ZNRF1: variants seen among roughly 807,000 people sequenced by gnomAD.
ZNRF1 encodes the protein zinc and ring finger 1.
A neutral mutation model predicts 18.4 loss-of-function variants in ZNRF1; 3 were observed. The ratio of observed to expected loss-of-function variants is 0.16; its 90% CI spans 0.07 to 0.42. The LOEUF is 0.42. Ranked by LOEUF, ZNRF1 falls within the 10% of genes least tolerant of loss-of-function variation. The pLI is 0.99. For missense variants in ZNRF1, 310 were observed against 329.8 expected (o/e 0.94, Z 0.47); for synonymous variants, 157 against 144.2 (o/e 1.09, Z -0.64).
intron 1 of ZNRF1, 61 bp downstream of exon 1, chr16:75,000,156 G>A: frequency 1.3e-6 from 2 of 1,557,094 alleles, no homozygotes; most frequent in Non-Finnish European, 1.7e-6. Flanking sequence ...CCAAGCCTTC[G>A]CGTGCGTGCC....
chr16:75,077,280 C>T (rs989400363), intron 1 of ZNRF1, among the ~76,000 whole-genome samples: 2 of 152,206 alleles, frequency 1.3e-5, no homozygotes, highest in African/African-American at 2.4e-5. Context: ...CGCCTGTAAT[C>T]CCATCACTTT....
chr16:75,069,894 G>A (rs956806198), intron 1 of ZNRF1, among the ~76,000 whole-genome samples: 3 of 152,062 alleles, frequency 2.0e-5, no homozygotes, highest in Admixed American at 6.6e-5. Flanking sequence ...CTTTCTAGCA[G>A]CCCATTCCCC....
chr16:75,085,686 G>A (rs1312856195), intron 1 of ZNRF1, among the ~76,000 whole-genome samples: 1 of 152,056 alleles, frequency 6.6e-6, no homozygotes, highest in Non-Finnish European at 1.5e-5. Flanking sequence ...CATCTTCACC[G>A]ACATTACCAA....
At chr16:75,024,064 T>G (rs967604458) in intron 1 of ZNRF1, among the ~76,000 whole-genome samples, 1 of 151,996 alleles carries the variant, frequency 6.6e-6, no homozygotes, top group African/African-American at 2.4e-5. Context: ...GAAACGGGGT[T>G]TCACCATGTT....
intron 1 of ZNRF1, among the ~76,000 whole-genome samples, chr16:75,016,679 G>A (rs2035075610): frequency 6.6e-6 from 1 of 150,650 alleles, no homozygotes; most frequent in Non-Finnish European, 1.5e-5. Flanking sequence ...GGGACTACAG[G>A]CGTCTGTCAC....
At chr16:75,013,781 T>C (rs1250704124) in intron 1 of ZNRF1, among the ~76,000 whole-genome samples, 2 of 152,192 alleles carry the variant, frequency 1.3e-5, no homozygotes, top group African/African-American at 2.4e-5. Flanking sequence ...ACTCTGAAAA[T>C]GGGAACTCTT....
At chr16:75,046,254 G>A (rs188055529) in intron 1 of ZNRF1, among the ~76,000 whole-genome samples, 1 of 150,942 alleles carries the variant, frequency 6.6e-6, no homozygotes, top group Admixed American at 6.6e-5. Context: ...GTTTCATTTT[G>A]TGTTTTGTTT....
intron 1 of ZNRF1, chr16:75,084,432 G>A (rs2036051470): frequency 6.6e-6 from 1 of 152,184 alleles, no homozygotes; most frequent in Non-Finnish European, 1.5e-5. Context: ...CTCTTAGGAT[G>A]AAGAGAAAAA....
intron 2 of ZNRF1, among the ~76,000 whole-genome samples, chr16:75,098,002 C>T (rs1021709032): frequency 2.0e-5 from 3 of 152,298 alleles, no homozygotes; most frequent in East Asian, 1.9e-4. Flanking sequence ...GGGTGCTGGC[C>T]GAGGAGTTTG....
At chr16:75,047,748 T>C (rs2035535314) in intron 1 of ZNRF1, among the ~76,000 whole-genome samples, 1 of 152,196 alleles carries the variant, frequency 6.6e-6, no homozygotes, top group Non-Finnish European at 1.5e-5. Context: ...ACCATGTTAC[T>C]TTGCTAGGGC....
chr16:75,003,406 A>AT (rs2034878347), intron 1 of ZNRF1, among the ~76,000 whole-genome samples: 1 of 152,148 alleles, frequency 6.6e-6, no homozygotes, highest in Admixed American at 6.5e-5. Context: ...TGCCACTCAC[A>AT]TTTTTTGAGT....
At chr16:75,097,276 A>G (rs2036210837) in intron 2 of ZNRF1, among the ~76,000 whole-genome samples, 1 of 152,098 alleles carries the variant, frequency 6.6e-6, no homozygotes. Flanking sequence ...ACGGAAGAGC[A>G]TTGTAATCCT....
At chr16:75,067,141 A>G (rs2035815545) in intron 1 of ZNRF1, among the ~76,000 whole-genome samples, 1 of 152,028 alleles carries the variant, frequency 6.6e-6, no homozygotes, top group Admixed American at 6.6e-5. Flanking sequence ...TTATGTGTAC[A>G]TTTTCCATGT....
intron 1 of ZNRF1, among the ~76,000 whole-genome samples, chr16:75,017,705 C>T (rs2035090177): frequency 6.6e-6 from 1 of 152,132 alleles, no homozygotes; most frequent in African/African-American, 2.4e-5. Context: ...GAAATAAATC[C>T]ACTGCCACTC....
chr16:75,027,783 C>A (rs188944100), intron 1 of ZNRF1, among the ~76,000 whole-genome samples: 1 of 152,280 alleles, frequency 6.6e-6, no homozygotes, highest in East Asian at 1.9e-4. Context: ...TGAGCACATT[C>A]GCTGTCCTCA....
At chr16:75,020,962 C>G (rs946683456) in intron 1 of ZNRF1, among the ~76,000 whole-genome samples, 1 of 152,234 alleles carries the variant, frequency 6.6e-6, no homozygotes, top group African/African-American at 2.4e-5. Flanking sequence ...ATCAATATCT[C>G]TACTCTCTTC....
chr16:75,078,720 G>C (rs2035973873), intron 1 of ZNRF1, among the ~76,000 whole-genome samples: 1 of 152,206 alleles, frequency 6.6e-6, no homozygotes, highest in Non-Finnish European at 1.5e-5. Context: ...AAGGTGAAAA[G>C]TCAAAATGAA....
chr16:75,022,115 CATG>C (rs1485603102), intron 1 of ZNRF1, among the ~76,000 whole-genome samples: 21 of 152,270 alleles, frequency 1.4e-4, no homozygotes, highest in African/African-American at 5.1e-4. Context: ...AGTGGGCTGG[CATG>C]GTGGTGGGCA....
At chr16:75,070,836 C>T (rs915600745) in intron 1 of ZNRF1, among the ~76,000 whole-genome samples, 2 of 152,162 alleles carry the variant, frequency 1.3e-5, no homozygotes, top group Non-Finnish European at 2.9e-5. Context: ...GGGAGCCGCC[C>T]ATCTTGTTGT....
Sources: gnomAD v4.1 joint callset for allele counts (sites outside exome capture counted in the v4.1 genomes callset) on GRCh38, gnomAD v4.1.1 for gene constraint, MANE v1.5 for transcripts, NCBI Gene and HGNC (gene_info 2026-07-23, HGNC 2026-07-21) for gene names.